Variants in COL11A2 observed in about 807,000 individuals in gnomAD.
COL11A2 encodes collagen alpha-2(XI) chain.
Under a neutral mutation model 273.4 loss-of-function variants are expected in COL11A2, and 116 were observed. The observed-to-expected ratio is 0.42, with a 90% CI of 0.36 to 0.49. The LOEUF (loss-of-function observed/expected upper bound fraction) is 0.49. Among genes scored for constraint, COL11A2 ranks in the 20% least tolerant of loss-of-function variants. The pLI is 0.00. For missense variants in COL11A2, 1,866 were observed against 2,309.0 expected (o/e 0.81, Z 3.93); for synonymous variants, 782 against 864.2 (o/e 0.90, Z 1.67).
intron 7 of COL11A2, 139 bp downstream of exon 7, chr6:33,184,853 G>A (rs1225744011): frequency 4.1e-6 from 3 of 727,518 alleles, no homozygotes; most frequent in Non-Finnish European, 7.3e-6. Flanking sequence ...GTGACCCAAA[G>A]ACAGAGGCCA....
chr6:33,179,314 G>A lies in COL11A2; in HGVS notation c.1504-30C>T, dbSNP rs1261039204. The A allele has an allele frequency of 1.2e-6, 2 of 1,602,728 alleles. No individual in the cohort carries two copies. Among genetic ancestry groups the A allele is most frequent in the African/African-American group, 1.3e-5 (1 of 74,826 alleles). On this transcript the variant is annotated intron_variant, in intron 14 of 65. Coordinates refer to ENST00000341947, the MANE Select transcript of COL11A2 (RefSeq NM_080680.3). This position sits in a 1 kb window ranked among gnomAD's most constrained non-coding sequence, Gnocchi z 6.4. ...GAGAGAGAAGAGAGGATGGCCGTAAGGAAGGACACAGCCAACAGTGGCCTC... is the reference window on the plus strand; with the variant it reads ...GAGAGAGAAGAGAGGATGGCCGTAAAGAAGGACACAGCCAACAGTGGCCTC...
At position 33,189,335 on chromosome 6, in the gene COL11A2, G is replaced by A. The variant is rs749748036; in HGVS notation, c.217C>T (p.Arg73Cys). Residue 73 changes from arginine to cysteine, a missense_variant, in exon 2 of 66, where the codon CGC becomes TGC. Coordinates refer to ENST00000341947, the MANE Select transcript of COL11A2 (RefSeq NM_080680.3). This position sits in a 1 kb window ranked among gnomAD's most constrained non-coding sequence, Gnocchi z 5.6. The stretch of plus-strand genomic sequence containing the variant: ...TCACCCATACCTGGGAAAAGCTGGC[G>A]AGTGGGTGCACTGAGCTGGGCAGGT... ...ARPAQLSAPT[R>C]QLFPGGFPKD... 16 of 1,613,560 alleles carry A rather than the reference G, an allele frequency of 9.9e-6. No homozygotes were observed. Among genetic ancestry groups the A allele is most frequent in the Admixed American group, 3.3e-5 (2 of 60,006 alleles).
Position 33,179,171 on chromosome 6 carries a change from G to A in COL11A2, c.1558-45C>T. The A allele has an allele frequency of 6.2e-7, 1 of 1,611,928 alleles. No homozygotes were observed. Among genetic ancestry groups the A allele is most frequent in the Non-Finnish European group, 8.5e-7 (1 of 1,179,082 alleles). ...GGTGGGGTTAGGAGGCATAGGGAGG[G>A]GAGTGAGGGAGACTGAGCTGGTGAA... is the stretch of plus-strand genomic sequence containing the variant. On this transcript the variant is annotated intron_variant, in intron 15 of 65. Coordinates refer to ENST00000341947, the MANE Select transcript of COL11A2 (RefSeq NM_080680.3). This position sits in a 1 kb window ranked among gnomAD's most constrained non-coding sequence, Gnocchi z 6.4.
intron 10 of COL11A2, 112 bp from the exon 11 acceptor site, chr6:33,180,842 T>C (rs1771636543): frequency 6.4e-7 from 1 of 1,555,058 alleles, no homozygotes; most frequent in African/African-American, 1.4e-5. Flanking sequence ...TGGGAAGCGT[T>C]GATTGGAGGG....
chr6:33,179,883 G>T lies in COL11A2; in HGVS notation c.1360-78C>A. The T allele has an allele frequency of 7.3e-7, 1 of 1,366,318 alleles. No individual in the cohort carries two copies. The highest frequency in any genetic ancestry group is 1.2e-5 in the South Asian group (1 of 86,122). The allele number at this position is 1,366,318 out of a possible 1,614,324, so 84.6% of individuals were successfully genotyped here. A position where few individuals can be genotyped will look rare whatever the true frequency, so the allele number is the denominator to read the frequency against. On this transcript the variant is annotated intron_variant, in intron 12 of 65. Coordinates refer to ENST00000341947, the MANE Select transcript of COL11A2 (RefSeq NM_080680.3). The surrounding 1 kb of genome is among the most constrained non-coding windows in gnomAD (Gnocchi z 6.4). Reference sequence around the variant, plus strand: ...CTCCCAGCCAGAGGCTTTCTCCAGCGTTTCTGCCCCTTGCCCCAGGTTCTG... The same window carrying T: ...CTCCCAGCCAGAGGCTTTCTCCAGCTTTTCTGCCCCTTGCCCCAGGTTCTG...
Position 33,170,266 on chromosome 6 carries a change from G to GA in COL11A2, c.3582+59dup, listed in dbSNP as rs920058736. 4.8e-5 allele frequency: 76 copies of GA among 1,593,998 alleles called. No individual in the cohort carries two copies. The African/African-American group carries it at 9.0e-4, about 19-fold the overall frequency. On this transcript the variant is annotated intron_variant, in intron 48 of 65. Transcript: ENST00000341947. The surrounding 1 kb of genome is among the most constrained non-coding windows in gnomAD (Gnocchi z 4.3). ...GACGATACTAGAGTTTATGGTCTGGGAAAGGGAGGCAGAAGACCAGACACA... is the reference window on the plus strand; with the variant it reads ...GACGATACTAGAGTTTATGGTCTGGGAAAAGGGAGGCAGAAGACCAGACACA...
Position 33,186,660 on chromosome 6 carries a change from A to G in COL11A2, c.765T>C (p.Leu255=). 1.2e-6 allele frequency: 2 copies of G among 1,613,818 alleles called. No individual in the cohort carries two copies. Among genetic ancestry groups the G allele is most frequent in the South Asian group, 1.1e-5 (1 of 91,060 alleles). Residue 255 remains leucine (L), a synonymous_variant, in exon 5 of 66, where the codon CTT becomes CTC. Transcript: ENST00000341947. The part of the protein sequence containing the change: ...QRSPQQQPSR[L]HRPQNQEPQS... The stretch of plus-strand genomic sequence containing the variant: ...GGGGTTCCTGATTTTGTGGCCTGTG[A>G]AGTCTTGATGGTTGCTGCTGTGGAG...
At chr6:33,192,502 T>TCGCCCC (rs1773272026), upstream of COL11A2, 2 of 470,612 alleles carry the variant, frequency 4.2e-6, no homozygotes, top group Non-Finnish European at 7.3e-6. Flanking sequence ...AGCCCCCACC[T>TCGCCCC]CGCCCCCGCC....
At chr6:33,184,488 A>T (rs894879232) in intron 7 of COL11A2, among the ~76,000 whole-genome samples, 164 bp from the exon 8 acceptor site, 1 of 152,186 alleles carries the variant, frequency 6.6e-6, no homozygotes, top group Admixed American at 6.5e-5. Flanking sequence ...TTGTATATAA[A>T]TGGAAGGGCC....
chr6:33,186,481 T>C, intron 5 of COL11A2, 146 bp downstream of exon 5: 10 of 1,488,002 alleles, frequency 6.7e-6, no homozygotes, highest in Non-Finnish European at 8.9e-6. Flanking sequence ...TAGATGAAAA[T>C]AAAAAGGCTG....
In COL11A2 at chr6:33,173,292, G is replaced by C; in HGVS notation, c.2736+56C>G. 6.2e-7 allele frequency: 1 copy of C among 1,601,604 alleles called. No homozygotes were observed. The highest frequency in any genetic ancestry group is 8.5e-7 in the Non-Finnish European group (1 of 1,173,492). Reference sequence around the variant, plus strand: ...CCTGTGGGCTTTCCAGACAGCTCTGGGGTTAAAGGGTCTGATGGAGCCCCC... The same window carrying C: ...CCTGTGGGCTTTCCAGACAGCTCTGCGGTTAAAGGGTCTGATGGAGCCCCC... On this transcript the variant is annotated intron_variant, in intron 37 of 65. Transcript: ENST00000341947. The surrounding 1 kb of genome is among the most constrained non-coding windows in gnomAD (Gnocchi z 6.3).
rs990282145 is a variant in COL11A2 at position 33,169,560 on chromosome 6, G to C, written c.3691-70C>G. 3 of 1,458,684 alleles carry C rather than the reference G, an allele frequency of 2.1e-6. No individual in the cohort carries two copies. Among genetic ancestry groups the C allele is most frequent in the South Asian group, 1.2e-5 (1 of 86,708 alleles). 90.4% of individuals were successfully genotyped at this position (1,458,684 alleles called of 1,614,324 possible). A position where few individuals can be genotyped will look rare whatever the true frequency, so the allele number is the denominator to read the frequency against. On this transcript the variant is annotated intron_variant, in intron 50 of 65. Transcript: ENST00000341947. This position sits in a 1 kb window ranked among gnomAD's most constrained non-coding sequence, Gnocchi z 5.5. ...GATCAGGGATGCAGCCTCTGCTTCCGAGACACCTTCAGCCATCCCCTACTC... is the reference window on the plus strand; with the variant it reads ...GATCAGGGATGCAGCCTCTGCTTCCCAGACACCTTCAGCCATCCCCTACTC...
upstream of COL11A2, among the ~76,000 whole-genome samples, chr6:33,192,885 C>T (rs1256706204): frequency 2.6e-5 from 4 of 152,000 alleles, no homozygotes; most frequent in African/African-American, 9.7e-5. Flanking sequence ...AATTACTTCC[C>T]TCACCCCGCC....
In COL11A2 at chr6:33,168,704, A is replaced by G; in HGVS notation, c.3906+2T>C. On this transcript the variant is annotated splice_donor_variant, in intron 53 of 65. Transcript: ENST00000341947. LOFTEE classifies it high-confidence loss of function. ...GGGGTGGTGGGGTCACCAGGCACTC[A>G]CAGGCTGTCCTGGCTCACCATCCTC... 1 of 1,591,150 alleles carries G rather than the reference A, an allele frequency of 6.3e-7. No individual in the cohort carries two copies.
At chr6:33,172,006 C>T (rs764508585) in intron 41 of COL11A2, 44 bp downstream of exon 41, 3 of 1,611,076 alleles carry the variant, frequency 1.9e-6, no homozygotes. Flanking sequence ...CTCACCCACC[C>T]CTTTCCCGGG....
intron 8 of COL11A2, among the ~76,000 whole-genome samples, chr6:33,183,450 C>T (rs555204368): frequency 5.3e-5 from 8 of 152,298 alleles, no homozygotes; most frequent in Non-Finnish European, 1.0e-4. Flanking sequence ...TTCCAGAAAA[C>T]ACAAACATCA....
rs910671983 is a variant in COL11A2, at chr6:33,166,575, G to A, written c.4339-9C>T. 1.2e-6 allele frequency: 2 copies of A among 1,613,774 alleles called. No homozygotes were observed. ...GATGCTCCTGGGATACCCTAGGAAG[G>A]GTAGTGGCTGGTTCAACTGGGTCCT... On this transcript the variant is annotated splice_polypyrimidine_tract_variant and intron_variant, in intron 59 of 65. Coordinates refer to ENST00000341947, the MANE Select transcript of COL11A2 (RefSeq NM_080680.3). This position sits in a 1 kb window ranked among gnomAD's most constrained non-coding sequence, Gnocchi z 4.8.
rs987133654 is a variant in COL11A2 at position 33,190,014 on chromosome 6, C to T, written c.83-545G>A. On this transcript the variant is annotated intron_variant, in intron 1 of 65. Transcript: ENST00000341947. The surrounding 1 kb of genome is among the most constrained non-coding windows in gnomAD (Gnocchi z 4.5). ...TCTGGGCAATCGATCATCCTGGACA[C>T]AGGAGGTGCAGGGGGGCCACGAGGA... Among the ~76,000 whole-genome samples the T allele has an allele frequency of 8.5e-5, 13 of 152,156 alleles. No individual in the cohort carries two copies. Among genetic ancestry groups the T allele is most frequent in the Non-Finnish European group, 1.3e-4 (9 of 68,040 alleles).
At chr6:33,186,157 A>G (rs1583374533) in intron 5 of COL11A2, among the ~76,000 whole-genome samples, 2 of 150,872 alleles carry the variant, frequency 1.3e-5, no homozygotes, top group South Asian at 4.2e-4. Context: ...CCCTCCAGGT[A>G]GGTGGGGGCC....
Sources: allele counts gnomAD v4.1 joint callset (sites outside exome capture counted in the v4.1 genomes callset), GRCh38; gene constraint gnomAD v4.1.1; non-coding constraint Gnocchi (gnomAD v3.1); transcripts MANE v1.5; gene names NCBI Gene and HGNC (gene_info 2026-07-23, HGNC 2026-07-21).